Variants in AKAP8L observed in about 807,000 individuals in gnomAD.
The protein encoded by AKAP8L is A-kinase anchoring protein 8 like, also known as A-kinase anchor protein 8-like.
AKAP8L carries 34 observed loss-of-function variants against 77.5 expected under a neutral mutation model. That is an observed-to-expected ratio of 0.44 (90% CI 0.33 to 0.58). The LOEUF (loss-of-function observed/expected upper bound fraction) is 0.58. AKAP8L is among the 20% of genes least tolerant of loss of function. The pLI is 0.02. For missense variants in AKAP8L, 806 were observed against 887.6 expected (o/e 0.91, Z 1.17); for synonymous variants, 342 against 340.7 (o/e 1.00, Z -0.04).
At chr19:15,384,879 T>C (rs1194116797) in intron 12 of AKAP8L, among the ~76,000 whole-genome samples, 3 of 152,198 alleles carry the variant, frequency 2.0e-5, no homozygotes, top group African/African-American at 7.2e-5. Context: ...GATTTTTTGT[T>C]TTTGTTTTTG....
intron 12 of AKAP8L, among the ~76,000 whole-genome samples, chr19:15,391,861 G>A (rs1967670477): frequency 6.6e-6 from 1 of 152,070 alleles, no homozygotes; most frequent in African/African-American, 2.4e-5. Flanking sequence ...TTTAGAGACA[G>A]GGTCTTGCTC....
chr19:15,400,468 G>T, intron 7 of AKAP8L, 110 bp from the exon 8 acceptor site: 1 of 1,121,536 alleles, frequency 8.9e-7, no homozygotes, highest in Non-Finnish European at 1.3e-6. Context: ...TTGCTCCATA[G>T]ACAGAGCAGG....
intron 12 of AKAP8L, among the ~76,000 whole-genome samples, chr19:15,388,047 CAAAACATTGTTG>C (rs1272160129): frequency 6.6e-6 from 1 of 151,860 alleles, no homozygotes; most frequent in African/African-American, 2.4e-5. Context: ...ATCTATGCCC[CAAAACATTGTTG>C]AAAACAATAA....
chr19:15,389,924 T>A (rs1362175926), intron 12 of AKAP8L, among the ~76,000 whole-genome samples: 1 of 151,866 alleles, frequency 6.6e-6, no homozygotes, highest in African/African-American at 2.4e-5. Context: ...AATATTAGGT[T>A]AAAGCCGACT....
chr19:15,385,273 G>A (rs1354861966), intron 12 of AKAP8L, among the ~76,000 whole-genome samples: 5 of 150,688 alleles, frequency 3.3e-5, no homozygotes, highest in African/African-American at 4.9e-5. Flanking sequence ...CACCGCGCCC[G>A]GCCTTTCATG....
chr19:15,398,923 G>A lies in AKAP8L; in HGVS notation c.1157+379C>T, dbSNP rs1353990127. 7 of 558,200 alleles carry A rather than the reference G, an allele frequency of 1.3e-5. No individual in the cohort carries two copies. Among genetic ancestry groups the A allele is most frequent in the Non-Finnish European group, 1.7e-5 (7 of 401,996 alleles). The allele number at this position is 558,200 out of a possible 1,614,324, so 34.6% of individuals were successfully genotyped here. On this transcript the variant is annotated intron_variant, in intron 9 of 13. Transcript: ENST00000397410. This position sits in a 1 kb window ranked among gnomAD's most constrained non-coding sequence, Gnocchi z 9.2. Reference sequence around the variant, plus strand: ...TGGGCACGGCGGTGGCCTCTTGGCAGCTAGCTGGGGCGGCACAGGCGCCTT... The same window carrying A: ...TGGGCACGGCGGTGGCCTCTTGGCAACTAGCTGGGGCGGCACAGGCGCCTT...
Position 15,401,019 on chromosome 19 carries a change from C to G in AKAP8L, c.841G>C (p.Gly281Arg), listed in dbSNP as rs1470159345. 6.2e-7 allele frequency: 1 copy of G among 1,613,792 alleles called. No homozygotes were observed. The highest frequency in any genetic ancestry group is 8.5e-7 in the Non-Finnish European group (1 of 1,179,892). ...CTATCTGGCTCATCAGGACTGCCGC[C>G]CTGCTTTCTCTTCTTCTTCTTGGTC... is the stretch of plus-strand genomic sequence containing the variant. ...FRTKKKKRKQGGSPDEPDSKA... is the reference protein window; with the variant it reads ...FRTKKKKRKQRGSPDEPDSKA... Residue 281 changes from glycine to arginine, a missense_variant, in exon 6 of 14, where the codon GGC becomes CGC. Around this residue, in one of 2 missense-constraint regions of AKAP8L, gnomAD observed 580 missense variants for 694.1 expected, o/e 0.84. Transcript: ENST00000397410. This position sits in a 1 kb window ranked among gnomAD's most constrained non-coding sequence, Gnocchi z 6.2.
chr19:15,416,935 TG>T (rs893310104), intron 1 of AKAP8L, among the ~76,000 whole-genome samples: 5 of 152,236 alleles, frequency 3.3e-5, no homozygotes, highest in Non-Finnish European at 7.3e-5. Context: ...TTGTCTGAAA[TG>T]TGAATTAAAA....
rs779506720 is a variant in AKAP8L, at chr19:15,397,877, G to A, written c.1158-22C>T. 19 of 1,611,324 alleles carry A rather than the reference G, an allele frequency of 1.2e-5. No homozygotes were observed. The highest frequency in any genetic ancestry group is 1.6e-5 in the Non-Finnish European group (19 of 1,178,730). On this transcript the variant is annotated intron_variant, in intron 9 of 13. Transcript: ENST00000397410. The surrounding 1 kb of genome is among the most constrained non-coding windows in gnomAD (Gnocchi z 4.7). ...GATCCTGCCACAGGAAGGAAACGAGGGGCTGAGGCTGCAAGTGTCCCAGGG... is the reference window on the plus strand; with the variant it reads ...GATCCTGCCACAGGAAGGAAACGAGAGGCTGAGGCTGCAAGTGTCCCAGGG...
At chr19:15,381,552 TCCTTC>T (rs1967418162) in intron 12 of AKAP8L, among the ~76,000 whole-genome samples, 1 of 152,146 alleles carries the variant, frequency 6.6e-6, no homozygotes, top group Admixed American at 6.6e-5. Context: ...GCCCATTGAG[TCCTTC>T]CCACTCCATT....
chr19:15,402,300 A>G (rs984300136), intron 4 of AKAP8L, among the ~76,000 whole-genome samples: 6 of 152,118 alleles, frequency 3.9e-5, no homozygotes, highest in Non-Finnish European at 8.8e-5. Flanking sequence ...GGCACCGCAG[A>G]GAGCTCTTTT....
In AKAP8L at chr19:15,403,342, G is replaced by A; in HGVS notation, c.362+133C>T. The A allele has an allele frequency of 1.2e-6, 1 of 836,808 alleles. No homozygotes were observed. 51.8% of individuals were successfully genotyped at this position (836,808 alleles called of 1,614,324 possible). A position where few individuals can be genotyped will look rare whatever the true frequency, so the allele number is the denominator to read the frequency against. On this transcript the variant is annotated intron_variant, in intron 4 of 13. Transcript: ENST00000397410. The surrounding 1 kb of genome is among the most constrained non-coding windows in gnomAD (Gnocchi z 4.3). Reference sequence around the variant, plus strand: ...AGAGACGGGAAGTGCAACGGACCCTGCTGGGAGCCACAGCAGCACCAAGCA... The same window carrying A: ...AGAGACGGGAAGTGCAACGGACCCTACTGGGAGCCACAGCAGCACCAAGCA...
At chr19:15,383,674 T>A (rs1967464843) in intron 12 of AKAP8L, 1 of 152,218 alleles carries the variant, frequency 6.6e-6, no homozygotes, top group South Asian at 2.1e-4. Context: ...ACTTTTTTTG[T>A]TTTTTAATTG....
In AKAP8L at chr19:15,400,778, A is replaced by G. The variant is rs1181183846; in HGVS notation, c.984+16T>C. Reference sequence around the variant, plus strand: ...CCCTGCCTGCAGACAGAAAATGCCCAGCCAGAGCCACTTACCACTCTGGAG... The same window carrying G: ...CCCTGCCTGCAGACAGAAAATGCCCGGCCAGAGCCACTTACCACTCTGGAG... On this transcript the variant is annotated intron_variant, in intron 7 of 13. Transcript: ENST00000397410. 3 of 1,613,740 alleles carry G rather than the reference A, an allele frequency of 1.9e-6. No homozygotes were observed. Among genetic ancestry groups the G allele is most frequent in the Non-Finnish European group, 2.5e-6 (3 of 1,179,882 alleles).
At chr19:15,416,832 C>A (rs762223200) in intron 1 of AKAP8L, among the ~76,000 whole-genome samples, 1 of 152,096 alleles carries the variant, frequency 6.6e-6, no homozygotes, top group Non-Finnish European at 1.5e-5. Flanking sequence ...AAAAGCAGGG[C>A]GAGTTAATAA....
chr19:15,396,167 C>A (rs1000835224), intron 12 of AKAP8L, among the ~76,000 whole-genome samples: 7 of 152,024 alleles, frequency 4.6e-5, no homozygotes, highest in East Asian at 3.9e-4. Context: ...CCGAAAAAGA[C>A]CAGAGAGGAA....
At chr19:15,410,971 C>T (rs958031343) in intron 1 of AKAP8L, among the ~76,000 whole-genome samples, 4 of 152,084 alleles carry the variant, frequency 2.6e-5, no homozygotes, top group African/African-American at 7.2e-5. Flanking sequence ...TGCCATCATT[C>T]GCAGCTAATT....
chr19:15,402,082 G>C (rs1270535141), intron 4 of AKAP8L, among the ~76,000 whole-genome samples: 1 of 152,172 alleles, frequency 6.6e-6, no homozygotes, highest in African/African-American at 2.4e-5. Flanking sequence ...CATGGCTGGG[G>C]AACCTTCAAA....
At position 15,380,312 on chromosome 19, in the gene AKAP8L, C is replaced by A; in HGVS notation, c.1751G>T (p.Gly584Val). Residue 584 changes from glycine (G) to valine (V), a missense_variant, in exon 14 of 14, where the codon GGC (glycine) becomes GTC (valine). Gly to Val is a moderately radical substitution (Grantham distance 109). This residue lies in a region of AKAP8L where 226 missense variants were observed against 193.5 expected (regional missense o/e 1.17). Coordinates refer to ENST00000397410, the MANE Select transcript of AKAP8L (RefSeq NM_014371.4). Reference sequence around the variant, plus strand: ...GGGCACGGGAGGCTGCGCCGGCACGCCCTCTGCGCCCTCCGAGATCCCTGC... The same window carrying A: ...GGGCACGGGAGGCTGCGCCGGCACGACCTCTGCGCCCTCCGAGATCCCTGC... ...EAAGISEGAE[G>V]VPAQPPVPPE... 1 of 1,534,976 alleles carries A rather than the reference C, an allele frequency of 6.5e-7. No homozygotes were observed. The highest frequency in any genetic ancestry group is 1.2e-5 in the South Asian group (1 of 83,932).
Sources: allele counts gnomAD v4.1 joint callset (sites outside exome capture counted in the v4.1 genomes callset), GRCh38; gene constraint gnomAD v4.1.1; regional missense constraint gnomAD v4.1.1; non-coding constraint Gnocchi (gnomAD v3.1); transcripts MANE v1.5; gene names NCBI Gene and HGNC (gene_info 2026-07-23, HGNC 2026-07-21).